NRBF2: variants seen among roughly 807,000 people sequenced by gnomAD.
NRBF2 encodes nuclear receptor-binding factor 2.
NRBF2 carries 12 observed loss-of-function variants against 28.5 expected under a neutral mutation model. The observed-to-expected ratio is 0.42, with a 90% CI of 0.27 to 0.68. NRBF2 has a LOEUF of 0.68. Ranked by LOEUF, NRBF2 falls within the 30% of genes least tolerant of loss-of-function variation. NRBF2 has a pLI of 0.24. For missense variants in NRBF2, 274 were observed against 333.5 expected (o/e 0.82, Z 1.39); for synonymous variants, 102 against 116.5 (o/e 0.88, Z 0.80).
At chr10:63,150,413 T>A (rs1841630113) in intron 2 of NRBF2, 1 of 943,130 alleles carries the variant, frequency 1.1e-6, no homozygotes, top group East Asian at 1.2e-4. Flanking sequence ...TTTCCTTTTT[T>A]TTTTTTAAAT....
intron 1 of NRBF2, among the ~76,000 whole-genome samples, chr10:63,142,143 C>T (rs1462162969): frequency 2.6e-5 from 4 of 152,104 alleles, no homozygotes; most frequent in African/African-American, 9.7e-5. Flanking sequence ...TCATCAGCGA[C>T]ACACACAGAT....
chr10:63,150,234 G>A (rs1841627551), intron 2 of NRBF2: 1 of 261,228 alleles, frequency 3.8e-6, no homozygotes, highest in Middle Eastern at 2.0e-3. Context: ...TTACAGGTGT[G>A]AGCCACCACA....
At chr10:63,146,778 C>A (rs1414368733) in intron 2 of NRBF2, among the ~76,000 whole-genome samples, 1 of 151,986 alleles carries the variant, frequency 6.6e-6, no homozygotes, top group African/African-American at 2.4e-5. Flanking sequence ...TTTTAGCTTC[C>A]CTTCTGAATA....
intron 3 of NRBF2, among the ~76,000 whole-genome samples, chr10:63,153,121 C>T (rs1361319576): frequency 6.6e-6 from 1 of 152,182 alleles, no homozygotes; most frequent in African/African-American, 2.4e-5. Flanking sequence ...ACCAAGGGAA[C>T]TTTAAAGTTG....
At chr10:63,139,291 G>A (rs960317642) in intron 1 of NRBF2, among the ~76,000 whole-genome samples, 9 of 152,154 alleles carry the variant, frequency 5.9e-5, no homozygotes, top group Non-Finnish European at 1.5e-5. Flanking sequence ...TGGATTACAG[G>A]CGTGAGCCAC....
intron 1 of NRBF2, among the ~76,000 whole-genome samples, chr10:63,143,640 C>G (rs1212572978): frequency 3.3e-5 from 5 of 151,700 alleles, no homozygotes; most frequent in African/African-American, 1.2e-4. Context: ...TTTGTAGAGA[C>G]GGGGTTTCAC....
intron 1 of NRBF2, among the ~76,000 whole-genome samples, chr10:63,136,324 A>C (rs1033928058): frequency 6.6e-6 from 1 of 152,022 alleles, no homozygotes; most frequent in Non-Finnish European, 1.5e-5. Context: ...CTTTTATGTC[A>C]GTGAACACCT....
chr10:63,140,529 C>A (rs1247912699), intron 1 of NRBF2, among the ~76,000 whole-genome samples: 1 of 151,784 alleles, frequency 6.6e-6, no homozygotes, highest in Non-Finnish European at 1.5e-5. Flanking sequence ...GATCCTCCTA[C>A]CAGTCCCTCC....
intron 1 of NRBF2, among the ~76,000 whole-genome samples, chr10:63,134,263 T>G (rs1174778904): frequency 6.6e-6 from 1 of 152,162 alleles, no homozygotes; most frequent in East Asian, 1.9e-4. Context: ...AGAACCCCAC[T>G]AACAACGGGA....
In NRBF2 at chr10:63,154,052, A is replaced by T. The variant is rs2132699356; in HGVS notation, c.698A>T (p.His233Leu). ...ETSELWSLPP[H>L]AETATASSTW... ...TCAGAGTTATGGAGCTTGCCACCAC[A>T]TGCAGAAACTGCTACAGCCTCCTCA... Residue 233 changes from histidine (H) to leucine (L), a missense_variant, in exon 4 of 4, where the codon CAT (histidine) becomes CTT (leucine). By Grantham distance (99) the His-to-Leu change is moderately conservative. Coordinates refer to ENST00000277746, the MANE Select transcript of NRBF2 (RefSeq NM_030759.5). The T allele has an allele frequency of 6.2e-7, 1 of 1,613,208 alleles. No homozygotes were observed. Among genetic ancestry groups the T allele is most frequent in the East Asian group, 2.2e-5 (1 of 44,886 alleles).
At chr10:63,142,844 G>A (rs575562751) in intron 1 of NRBF2, among the ~76,000 whole-genome samples, 7 of 123,914 alleles carry the variant, frequency 5.6e-5, no homozygotes, top group East Asian at 2.6e-4. Flanking sequence ...GCAGTAGCAC[G>A]ATCTCAGCTC....
rs546820589 is a variant in NRBF2, at chr10:63,134,901, G to C, written c.30+1401G>C. ...CATTTGCGAGTTTTTTTTAACCAGG[G>C]AACTGGCCAGGCGCCGGGGCTCACG... On this transcript the variant is annotated intron_variant, in intron 1 of 3. Coordinates refer to ENST00000277746, the MANE Select transcript of NRBF2 (RefSeq NM_030759.5). Among the ~76,000 whole-genome samples the C allele has an allele frequency of 1.6e-4, 25 of 152,178 alleles. No individual in the cohort carries two copies. In the South Asian group the frequency reaches 2.5e-3, roughly 15 times the overall value.
chr10:63,137,254 C>T lies in NRBF2; in HGVS notation c.30+3754C>T, dbSNP rs527977872. The stretch of plus-strand genomic sequence containing the variant: ...CCTCCCAAAGTGTTGGGATTACAGG[C>T]ATGTGCCACTGTGCCCAGCCTGTCA... On this transcript the variant is annotated intron_variant, in intron 1 of 3. Coordinates refer to ENST00000277746, the MANE Select transcript of NRBF2 (RefSeq NM_030759.5). Among the ~76,000 whole-genome samples the T allele has an allele frequency of 7.2e-5, 11 of 152,334 alleles. No individual in the cohort carries two copies. The South Asian group carries it at 2.3e-3, about 32-fold the overall frequency.
chr10:63,145,257 G>A (rs538803192), intron 1 of NRBF2, among the ~76,000 whole-genome samples: 18 of 152,138 alleles, frequency 1.2e-4, no homozygotes, highest in African/African-American at 3.9e-4. Flanking sequence ...ACAGGCGCCC[G>A]CAGAGACGGT....
At chr10:63,135,352 A>G (rs1018470287) in intron 1 of NRBF2, among the ~76,000 whole-genome samples, 5 of 152,212 alleles carry the variant, frequency 3.3e-5, no homozygotes, top group African/African-American at 9.6e-5. Flanking sequence ...CCAAATGAGC[A>G]TTGGTTCAGT....
intron 2 of NRBF2, among the ~76,000 whole-genome samples, chr10:63,151,833 G>C (rs949171320): frequency 6.6e-6 from 1 of 152,026 alleles, no homozygotes; most frequent in Non-Finnish European, 1.5e-5. Flanking sequence ...TGAGTAATAG[G>C]GTTTGGATAG....
intron 1 of NRBF2, among the ~76,000 whole-genome samples, chr10:63,135,215 T>C (rs535025713): frequency 1.6e-4 from 24 of 152,174 alleles, no homozygotes; most frequent in African/African-American, 3.6e-4. Context: ...CTTGCACTTT[T>C]CTTGTTTTTA....
chr10:63,154,078 A>G lies in NRBF2; in HGVS notation c.724A>G (p.Thr242Ala). ...PHAETATASS[T>A]WQKFAANTGK... Reference sequence around the variant, plus strand: ...TGCAGAAACTGCTACAGCCTCCTCAACCTGGCAGAAGTTCGCAGCAAATAC... The same window carrying G: ...TGCAGAAACTGCTACAGCCTCCTCAGCCTGGCAGAAGTTCGCAGCAAATAC... Residue 242 changes from threonine to alanine, a missense_variant, in exon 4 of 4, where the codon ACC becomes GCC. Physicochemically the swap from Thr to Ala is moderately conservative, Grantham distance 58 (BLOSUM62 0). Coordinates refer to ENST00000277746, the MANE Select transcript of NRBF2 (RefSeq NM_030759.5). 3 of 1,613,834 alleles carry G rather than the reference A, an allele frequency of 1.9e-6. No individual in the cohort carries two copies. Among genetic ancestry groups the G allele is most frequent in the Non-Finnish European group, 2.5e-6 (3 of 1,179,860 alleles).
chr10:63,145,101 C>CTTTTTT (rs34823556), intron 1 of NRBF2, among the ~76,000 whole-genome samples: 87 of 85,860 alleles, frequency 1.0e-3, no homozygotes, highest in East Asian at 1.3e-3. Context: ...TATATTAAAG[C>CTTTTTT]TTTTTTTTTT....
Sources: allele counts gnomAD v4.1 joint callset (sites outside exome capture counted in the v4.1 genomes callset), GRCh38; gene constraint gnomAD v4.1.1; transcripts MANE v1.5; gene names NCBI Gene and HGNC (gene_info 2026-07-23, HGNC 2026-07-21).